The following NR3C2 variants were observed in gnomAD, a reference collection of about 807,000 sequenced individuals.
The protein encoded by NR3C2 is nuclear receptor subfamily 3 group C member 2.
NR3C2 carries 15 observed loss-of-function variants against 86.4 expected under a neutral mutation model. The ratio of observed to expected loss-of-function variants is 0.17; its 90% CI spans 0.12 to 0.27. NR3C2 has a LOEUF of 0.27. Ranked by LOEUF, NR3C2 falls within the 10% of genes least tolerant of loss-of-function variation. The pLI, the probability that NR3C2 is intolerant of heterozygous loss-of-function variation, is 1.00. For synonymous variants in NR3C2, 458 were observed against 450.5 expected (o/e 1.02, Z -0.21); for missense variants, 960 against 1,195.6 (o/e 0.80, Z 2.91).
At chr4:148,444,986 AG>A, upstream of NR3C2, 4 of 983,270 alleles carry the variant, frequency 4.1e-6, no homozygotes, top group Non-Finnish European at 4.8e-6. Flanking sequence ...GGGCGGTCGC[AG>A]GGGGAGCCTG....
chr4:148,233,623 G>A (rs1252789353), intron 3 of NR3C2, among the ~76,000 whole-genome samples: 1 of 152,082 alleles, frequency 6.6e-6, no homozygotes, highest in Non-Finnish European at 1.5e-5. Context: ...GCCTCCCAAA[G>A]AGCTCAACTC....
At chr4:148,161,665 ATATC>A (rs1455649971) in intron 4 of NR3C2, among the ~76,000 whole-genome samples, 3 of 152,280 alleles carry the variant, frequency 2.0e-5, no homozygotes, top group African/African-American at 7.2e-5. Context: ...ACCTGCATCT[ATATC>A]TATAATAAAT....
At chr4:148,311,369 A>G (rs1742890899) in intron 2 of NR3C2, among the ~76,000 whole-genome samples, 1 of 152,184 alleles carries the variant, frequency 6.6e-6, no homozygotes, top group Non-Finnish European at 1.5e-5. Flanking sequence ...AACCTGCAGC[A>G]ATCTTCCCCA....
intron 2 of NR3C2, among the ~76,000 whole-genome samples, chr4:148,359,834 A>C (rs1461295521): frequency 1.3e-5 from 2 of 152,212 alleles, no homozygotes; most frequent in East Asian, 3.8e-4. Flanking sequence ...ATGGCAATGT[A>C]ATGTACAGGA....
At chr4:148,257,407 C>G (rs1410330813) in intron 3 of NR3C2, among the ~76,000 whole-genome samples, 2 of 152,030 alleles carry the variant, frequency 1.3e-5, no homozygotes, top group Admixed American at 6.6e-5. Context: ...AACTCAAGAA[C>G]TGATATGGCA....
At chr4:148,165,502 CT>C (rs1246863987) in intron 4 of NR3C2, among the ~76,000 whole-genome samples, 2 of 152,088 alleles carry the variant, frequency 1.3e-5, no homozygotes, top group Non-Finnish European at 2.9e-5. Context: ...AAATAAATTA[CT>C]TATGACTACA....
chr4:148,311,646 G>T (rs1418761563), intron 2 of NR3C2, among the ~76,000 whole-genome samples: 1 of 152,178 alleles, frequency 6.6e-6, no homozygotes, highest in Non-Finnish European at 1.5e-5. Flanking sequence ...TGAGACATAT[G>T]AGTCAGATGC....
At chr4:148,219,776 A>T (rs1247458181) in intron 3 of NR3C2, among the ~76,000 whole-genome samples, 5 of 152,190 alleles carry the variant, frequency 3.3e-5, no homozygotes, top group Non-Finnish European at 7.4e-5. Flanking sequence ...TAAAAATTTT[A>T]TTTCAGAAAA....
At chr4:148,289,802 C>T (rs1371416307) in intron 2 of NR3C2, among the ~76,000 whole-genome samples, 1 of 152,086 alleles carries the variant, frequency 6.6e-6, no homozygotes, top group Non-Finnish European at 1.5e-5. Context: ...TTCTTGCTTG[C>T]TTGCTCTGAT....
chr4:148,358,753 T>A (rs1745694162), intron 2 of NR3C2, among the ~76,000 whole-genome samples: 1 of 152,204 alleles, frequency 6.6e-6, no homozygotes, highest in African/African-American at 2.4e-5. Flanking sequence ...AAAAAAAGGC[T>A]TGCATTTTCA....
At chr4:148,396,272 A>G (rs1339460482) in intron 2 of NR3C2, among the ~76,000 whole-genome samples, 1 of 152,232 alleles carries the variant, frequency 6.6e-6, no homozygotes, top group Admixed American at 6.5e-5. Context: ...TCATATATAA[A>G]CAGACTAAAA....
At chr4:148,104,463 C>G (rs530795311) in intron 8 of NR3C2, among the ~76,000 whole-genome samples, 1 of 150,936 alleles carries the variant, frequency 6.6e-6, no homozygotes, top group Non-Finnish European at 1.5e-5. Context: ...TTACTTAGAG[C>G]CTTCTTAGTC....
At chr4:148,381,487 T>C (rs936819791) in intron 2 of NR3C2, among the ~76,000 whole-genome samples, 2 of 152,148 alleles carry the variant, frequency 1.3e-5, no homozygotes, top group Non-Finnish European at 2.9e-5. Context: ...TGAATTATAT[T>C]CAGAAACATT....
chr4:148,202,511 G>T (rs945631769), intron 3 of NR3C2, among the ~76,000 whole-genome samples: 3 of 152,202 alleles, frequency 2.0e-5, no homozygotes, highest in Non-Finnish European at 2.9e-5. Flanking sequence ...TGGGGGCTCA[G>T]ATGACAGGCC....
chr4:148,303,338 C>A (rs1451442245), intron 2 of NR3C2, among the ~76,000 whole-genome samples: 1 of 152,154 alleles, frequency 6.6e-6, no homozygotes, highest in African/African-American at 2.4e-5. Context: ...ATATCTGGAT[C>A]AACATTCTAG....
chr4:148,157,861 A>C (rs1734474533), intron 4 of NR3C2, among the ~76,000 whole-genome samples: 1 of 152,216 alleles, frequency 6.6e-6, no homozygotes, highest in Non-Finnish European at 1.5e-5. Context: ...ATAGCCATTA[A>C]TGTTTATCAC....
intron 2 of NR3C2, among the ~76,000 whole-genome samples, chr4:148,397,585 G>A (rs1747925723): frequency 6.6e-6 from 1 of 152,074 alleles, no homozygotes; most frequent in Non-Finnish European, 1.5e-5. Flanking sequence ...CATTTTACTT[G>A]ATAGCATTCT....
chr4:148,415,325 T>C (rs941168977), intron 2 of NR3C2, among the ~76,000 whole-genome samples: 1 of 152,172 alleles, frequency 6.6e-6, no homozygotes, highest in Admixed American at 6.5e-5. Context: ...GAGAAATAAA[T>C]GTTAGAAATA....
chr4:148,328,556 T>C (rs1351182009), intron 2 of NR3C2, among the ~76,000 whole-genome samples: 1 of 152,168 alleles, frequency 6.6e-6, no homozygotes, highest in African/African-American at 2.4e-5. Context: ...GACCTCACCA[T>C]GCCCCCCTCA....
Sources: gnomAD v4.1 joint callset for allele counts (sites outside exome capture counted in the v4.1 genomes callset) on GRCh38, gnomAD v4.1.1 for gene constraint, MANE v1.5 for transcripts, NCBI Gene and HGNC (gene_info 2026-07-23, HGNC 2026-07-21) for gene names.